The following MAGI2 variants were observed in gnomAD, a reference collection of about 807,000 sequenced individuals.
The protein encoded by MAGI2 is membrane-associated guanylate kinase, WW and PDZ domain-containing protein 2.
In MAGI2, 35 loss-of-function variants were observed where a neutral mutation model predicts 133.3. That is an observed-to-expected ratio of 0.26 (90% CI 0.20 to 0.35). The LOEUF (loss-of-function observed/expected upper bound fraction) is 0.35. MAGI2 is among the 10% of genes least tolerant of loss of function. The probability of loss-of-function intolerance (pLI) is 1.00; values close to 1 mark genes in which losing one functional copy is unlikely to be tolerated. For synonymous variants in MAGI2, 729 were observed against 710.6 expected, an observed-to-expected ratio of 1.03 and a Z score of -0.41; for missense variants, 1,636 against 1,863.4, an observed-to-expected ratio of 0.88 and a Z score of 2.25.
At chr7:79,085,284 T>C (rs1206599356) in intron 1 of MAGI2, among the ~76,000 whole-genome samples, 2 of 151,872 alleles carry the variant, frequency 1.3e-5, no homozygotes, top group Non-Finnish European at 2.9e-5. Context: ...CTTTGTATTA[T>C]GGTTATTGTA....
chr7:78,252,563 C>T (rs1792515589), intron 10 of MAGI2: 2 of 150,610 alleles, frequency 1.3e-5, no homozygotes, highest in Non-Finnish European at 1.5e-5. Flanking sequence ...TAAAGGTATA[C>T]AATTTTTAGA....
chr7:79,202,069 G>A (rs1436235539), intron 1 of MAGI2, among the ~76,000 whole-genome samples: 1 of 151,898 alleles, frequency 6.6e-6, no homozygotes, highest in African/African-American at 2.4e-5. Flanking sequence ...TTAGACCTCA[G>A]CAAAACTTTT....
At chr7:79,216,766 T>C (rs528220361) in intron 1 of MAGI2, among the ~76,000 whole-genome samples, 1 of 152,222 alleles carries the variant, frequency 6.6e-6, no homozygotes, top group Non-Finnish European at 1.5e-5. Context: ...CTTGGGAGCA[T>C]GCTCTTTCTC....
At chr7:78,361,663 C>A (rs1444984278) in intron 7 of MAGI2, among the ~76,000 whole-genome samples, 1 of 151,990 alleles carries the variant, frequency 6.6e-6, no homozygotes, top group Non-Finnish European at 1.5e-5. Flanking sequence ...GCAATTAAAC[C>A]AATTTAAACT....
In MAGI2 at chr7:78,135,127, G is replaced by A. The variant is rs1214342201; in HGVS notation, c.2925C>T (p.Ile975=). The change falls in exon 17 of 22, where the codon ATC becomes ATT. Residue 975 remains isoleucine, a synonymous_variant. Transcript: ENST00000354212. ...TGATAGACTGGCCATTCACTGCTAG[G>A]ATCCGGTCTCCCACTTTTAGTTTTG... is the stretch of plus-strand genomic sequence containing the variant. ...RCAKLKVGDR[I]LAVNGQSIIN... The A allele has an allele frequency of 6.2e-7, 1 of 1,614,078 alleles. No individual in the cohort carries two copies. Among genetic ancestry groups the A allele is most frequent in the Admixed American group, 1.7e-5 (1 of 60,022 alleles).
rs778965363 is a variant in MAGI2, at chr7:78,501,771, T to C, written c.771A>G (p.Glu257=). 2 of 1,613,534 alleles carry C rather than the reference T, an allele frequency of 1.2e-6. No homozygotes were observed. The highest frequency in any genetic ancestry group is 1.7e-6 in the Non-Finnish European group (2 of 1,179,988). ...CCCCTGAGGCACCTGCACTTTTGTC[T>C]TCATGTTCACTGGATTCTATAAGAG... ...VVVTPESSEH[E]DKSAGASGEM... is the part of the protein sequence containing the mutation. The change falls in exon 5 of 22, where the codon GAA becomes GAG. Residue 257 remains glutamate, a synonymous_variant. Transcript: ENST00000354212.
chr7:78,234,197 A>G (rs1252049231), intron 10 of MAGI2, among the ~76,000 whole-genome samples: 1 of 152,198 alleles, frequency 6.6e-6, no homozygotes, highest in Non-Finnish European at 1.5e-5. Context: ...GGATTCATCC[A>G]TGCTTCCCTT....
At chr7:78,782,176 C>T (rs1283227734) in intron 2 of MAGI2, among the ~76,000 whole-genome samples, 1 of 152,094 alleles carries the variant, frequency 6.6e-6, no homozygotes, top group Non-Finnish European at 1.5e-5. Context: ...GGCAATTAAG[C>T]GATAACTTGA....
chr7:79,145,461 C>G (rs945549596), intron 1 of MAGI2, among the ~76,000 whole-genome samples: 1 of 151,934 alleles, frequency 6.6e-6, no homozygotes, highest in African/African-American at 2.4e-5. Flanking sequence ...AACAAGAAAC[C>G]ACCTACAACT....
chr7:78,777,024 CT>C (rs1826040021), intron 2 of MAGI2, among the ~76,000 whole-genome samples: 1 of 152,174 alleles, frequency 6.6e-6, no homozygotes. Context: ...CTACTCACCT[CT>C]TTTTGACTGT....
chr7:78,482,751 A>ACGG, intron 6 of MAGI2, among the ~76,000 whole-genome samples: 1 of 151,784 alleles, frequency 6.6e-6, no homozygotes, highest in South Asian at 2.1e-4. Context: ...GGGATTGGTC[A>ACGG]GGAAGAGGAG....
chr7:79,384,671 T>C (rs1844051756), intron 1 of MAGI2, among the ~76,000 whole-genome samples: 1 of 151,676 alleles, frequency 6.6e-6, no homozygotes, highest in African/African-American at 2.4e-5. Flanking sequence ...CCAACTTATA[T>C]ATATTAAATA....
chr7:79,158,601 G>A (rs79552342), intron 1 of MAGI2, among the ~76,000 whole-genome samples: 14 of 152,088 alleles, frequency 9.2e-5, no homozygotes, highest in South Asian at 2.1e-4. Flanking sequence ...CTTAGCTTTC[G>A]TATGCTTATG....
intron 3 of MAGI2, among the ~76,000 whole-genome samples, chr7:78,563,487 G>A (rs1372612206): frequency 1.3e-5 from 2 of 152,116 alleles, no homozygotes; most frequent in Non-Finnish European, 2.9e-5. Context: ...TTGGAAACCA[G>A]GAGTGTGAAA....
intron 2 of MAGI2, among the ~76,000 whole-genome samples, chr7:78,982,960 A>G (rs1345281408): frequency 3.9e-5 from 6 of 151,900 alleles, no homozygotes; most frequent in Non-Finnish European, 8.8e-5. Flanking sequence ...TGAGCACTTG[A>G]AGTGTGGTTA....
intron 3 of MAGI2, among the ~76,000 whole-genome samples, chr7:78,561,805 AG>A (rs1209221404): frequency 6.6e-6 from 1 of 152,188 alleles, no homozygotes; most frequent in Non-Finnish European, 1.5e-5. Context: ...GAAAGGTTGC[AG>A]GGGATAGGCT....
At chr7:78,168,874 T>C (rs1479595651) in intron 14 of MAGI2, among the ~76,000 whole-genome samples, 2 of 152,206 alleles carry the variant, frequency 1.3e-5, no homozygotes, top group African/African-American at 4.8e-5. Context: ...AGCAAACTCA[T>C]AGTTGGCTTT....
At chr7:78,925,687 A>G (rs142341157) in intron 2 of MAGI2, among the ~76,000 whole-genome samples, 1 of 152,204 alleles carries the variant, frequency 6.6e-6, no homozygotes, top group Non-Finnish European at 1.5e-5. Context: ...ATTAATTTAG[A>G]CATTAAAGAG....
intron 1 of MAGI2, among the ~76,000 whole-genome samples, chr7:79,139,542 A>G (rs1821922365): frequency 6.6e-6 from 1 of 152,208 alleles, no homozygotes; most frequent in Non-Finnish European, 1.5e-5. Flanking sequence ...CCACTTACTG[A>G]ACTCCAGCTA....
Sources: allele counts gnomAD v4.1 joint callset (sites outside exome capture counted in the v4.1 genomes callset), GRCh38; gene constraint gnomAD v4.1.1; transcripts MANE v1.5; gene names NCBI Gene and HGNC (gene_info 2026-07-23, HGNC 2026-07-21).